UNC13B: variants seen among roughly 807,000 people sequenced by gnomAD.
UNC13B encodes protein unc-13 homolog B.
Under a neutral mutation model 211.0 loss-of-function variants are expected in UNC13B, and 144 were observed. That is an observed-to-expected ratio of 0.68 (90% CI 0.60 to 0.78). The LOEUF is 0.78. Ranked by LOEUF, UNC13B falls within the 30% of genes least tolerant of loss-of-function variation. The pLI is 0.00. For synonymous variants in UNC13B, 709 were observed against 725.8 expected, an observed-to-expected ratio of 0.98 and a Z score of 0.37; for missense variants, 1,777 against 2,002.0, an observed-to-expected ratio of 0.89 and a Z score of 2.14.
intron 11 of UNC13B, among the ~76,000 whole-genome samples, chr9:35,322,594 A>G (rs1172300826): frequency 6.6e-6 from 1 of 152,154 alleles, no homozygotes; most frequent in Non-Finnish European, 1.5e-5. Context: ...GATCATTAAG[A>G]CAGAGAACGA....
chr9:35,235,242 A>G (rs956773968), intron 3 of UNC13B, among the ~76,000 whole-genome samples: 6 of 152,070 alleles, frequency 3.9e-5, no homozygotes. Context: ...AAATCATTGT[A>G]TTTATCATTA....
rs1030803318 is a variant in UNC13B, at chr9:35,319,388, G to A, written c.9414+5399G>A. On this transcript the variant is annotated intron_variant, in intron 11 of 39. Transcript: ENST00000635942. ...ACTGCACTCCAACCTAGGTGACAGA[G>A]TGAGACCCTATCTCAAAAAAAAAAA... 2.7e-5 allele frequency among the ~76,000 whole-genome samples: 3 copies of A among 110,692 alleles called. No individual in the cohort carries two copies. The East Asian group carries it at 9.7e-4, about 36-fold the overall frequency. The allele number at this position is 110,692 out of a possible 152,430, so 72.6% of individuals were successfully genotyped here.
intron 11 of UNC13B, among the ~76,000 whole-genome samples, chr9:35,337,799 C>T (rs1831747520): frequency 6.6e-6 from 1 of 152,200 alleles, no homozygotes; most frequent in African/African-American, 2.4e-5. Context: ...GAGAATTCTC[C>T]AGATTTGGGT....
intron 1 of UNC13B, 101 bp downstream of exon 1, chr9:35,162,406 C>T: frequency 7.2e-7 from 1 of 1,384,696 alleles, no homozygotes; most frequent in Non-Finnish European, 9.5e-7. Flanking sequence ...ACTTTACATC[C>T]CGTCCGTGCT....
rs1247247130 is a variant in UNC13B at position 35,300,593 on chromosome 9, A to G, written c.1189A>G (p.Thr397Ala). Residue 397 changes from threonine to alanine, a missense_variant, in exon 9 of 40, where the codon ACA (threonine) becomes GCA (alanine). Thr to Ala is a moderately conservative substitution (Grantham distance 58). Transcript: ENST00000635942. ...TAAGCAGGAAAATTTACAGTCACCA[A>G]CATGGCATTCATCCAATGTCCACCA... ...SDKQENLQSPTWHSSNVHHIG... is the reference protein window; with the variant it reads ...SDKQENLQSPAWHSSNVHHIG... 1 of 398,896 alleles carries G rather than the reference A, an allele frequency of 2.5e-6. No individual in the cohort carries two copies. Among genetic ancestry groups the G allele is most frequent in the Non-Finnish European group, 4.4e-6 (1 of 226,034 alleles). The allele number at this position is 398,896 out of a possible 1,614,324, so 24.7% of individuals were successfully genotyped here.
chr9:35,372,350 A>G (rs1273303970), intron 13 of UNC13B, among the ~76,000 whole-genome samples: 2 of 152,240 alleles, frequency 1.3e-5, no homozygotes, highest in African/African-American at 4.8e-5. Flanking sequence ...GCTTAGGCTG[A>G]TATTATGACT....
At chr9:35,269,484 TGTAA>T (rs1313495864) in intron 7 of UNC13B, among the ~76,000 whole-genome samples, 8 of 152,194 alleles carry the variant, frequency 5.3e-5, no homozygotes, top group Non-Finnish European at 1.0e-4. Context: ...CACATCATTA[TGTAA>T]GTATGATTGG....
chr9:35,390,472 C>G (rs1835462960), intron 25 of UNC13B, among the ~76,000 whole-genome samples, 157 bp from the exon 26 acceptor site: 1 of 152,264 alleles, frequency 6.6e-6, no homozygotes, highest in African/African-American at 2.4e-5. Context: ...GGCCCCTGGC[C>G]CCTGGGCCCC....
intron 1 of UNC13B, among the ~76,000 whole-genome samples, chr9:35,221,148 G>A (rs1490129516): frequency 2.6e-5 from 4 of 152,166 alleles, no homozygotes; most frequent in South Asian, 4.2e-4. Context: ...AGCTCACTGC[G>A]AACTCTGCCT....
intron 1 of UNC13B, among the ~76,000 whole-genome samples, chr9:35,186,191 C>T (rs1474780419): frequency 6.6e-6 from 1 of 151,944 alleles, no homozygotes; most frequent in Non-Finnish European, 1.5e-5. Context: ...GTAGACCCTA[C>T]TAGATCTGAC....
At chr9:35,397,533 C>T in intron 29 of UNC13B, 102 bp from the exon 30 acceptor site, 1 of 1,380,610 alleles carries the variant, frequency 7.2e-7, no homozygotes, top group Non-Finnish European at 1.0e-6. Flanking sequence ...CCTTTACCTC[C>T]CTGTTGTTAT....
chr9:35,392,570 C>T (rs1188057555), intron 26 of UNC13B, among the ~76,000 whole-genome samples: 4 of 147,082 alleles, frequency 2.7e-5, no homozygotes, highest in Non-Finnish European at 5.9e-5. Context: ...CATATTCTCA[C>T]TCATAGGTGG....
chr9:35,194,129 G>A (rs1053864354), intron 1 of UNC13B, among the ~76,000 whole-genome samples: 4 of 152,048 alleles, frequency 2.6e-5, no homozygotes, highest in African/African-American at 7.2e-5. Context: ...CAGACCAAGG[G>A]CAGAGAGTGA....
chr9:35,313,613 A>G (rs1830293031), intron 10 of UNC13B, among the ~76,000 whole-genome samples: 1 of 146,904 alleles, frequency 6.8e-6, no homozygotes, highest in African/African-American at 2.5e-5. Context: ...CAACAGGGTG[A>G]GACCCTGTCT....
chr9:35,242,427 C>T (rs1462625446), intron 5 of UNC13B, among the ~76,000 whole-genome samples: 1 of 152,142 alleles, frequency 6.6e-6, no homozygotes, highest in South Asian at 2.1e-4. Context: ...AACTCTGTCT[C>T]CATCAAACAA....
At position 35,302,871 on chromosome 9, in the gene UNC13B, C is replaced by G; in HGVS notation, c.3467C>G (p.Ser1156Cys). ...CTTTCTGGCCTGTTTAATAGGTTTT[C>G]TTCTGCTGAAAATTTGTCTAGTCAA... ...SFLSGLFNRF[S>C]SAENLSSQEL... is the part of the protein sequence containing the mutation. The change falls in exon 9 of 40, where the codon TCT becomes TGT. Residue 1156 changes from serine to cysteine, a missense_variant. By Grantham distance (112) the Ser-to-Cys change is moderately radical. Coordinates refer to ENST00000635942, the MANE Select transcript of UNC13B (RefSeq NM_001371189.2). 2.5e-6 allele frequency: 1 copy of G among 398,622 alleles called. No homozygotes were observed. Among genetic ancestry groups the G allele is most frequent in the Non-Finnish European group, 4.4e-6 (1 of 225,750 alleles). The allele number at this position is 398,622 out of a possible 1,614,324, so 24.7% of individuals were successfully genotyped here. A position where few individuals can be genotyped will look rare whatever the true frequency, so the allele number is the denominator to read the frequency against.
At position 35,403,485 on chromosome 9, in the gene UNC13B, G is replaced by A. The variant is rs1006810860; in HGVS notation, c.12623G>A (p.Arg4208Gln). 5.0e-6 allele frequency: 8 copies of A among 1,613,958 alleles called. No individual in the cohort carries two copies. Among genetic ancestry groups the A allele is most frequent in the Middle Eastern group, 1.7e-4 (1 of 6,022 alleles). ...AAGTGGCAGACAGCGGGTATGTTCC[G>A]GCCTTTCGTGGAGGTGACTATGGTT... ...DLKWQTAGMF[R>Q]PFVEVTMVGP... is the part of the protein sequence containing the mutation. Residue 4208 changes from arginine to glutamine, a missense_variant, in exon 39 of 40, where the codon CGG becomes CAG. Coordinates refer to ENST00000635942, the MANE Select transcript of UNC13B (RefSeq NM_001371189.2).
At chr9:35,360,743 C>G (rs1351173948) in intron 11 of UNC13B, 3 of 152,230 alleles carry the variant, frequency 2.0e-5, no homozygotes, top group African/African-American at 4.8e-5. Flanking sequence ...CCTTGATCTC[C>G]TGGTCTCAAT....
At chr9:35,383,479 T>C (rs1834990949) in intron 21 of UNC13B, among the ~76,000 whole-genome samples, 1 of 152,184 alleles carries the variant, frequency 6.6e-6, no homozygotes, top group African/African-American at 2.4e-5. Context: ...GATAGAGCCT[T>C]TCTGTAGATG....
Sources: allele counts gnomAD v4.1 joint callset (sites outside exome capture counted in the v4.1 genomes callset), GRCh38; gene constraint gnomAD v4.1.1; transcripts MANE v1.5; gene names NCBI Gene and HGNC (gene_info 2026-07-23, HGNC 2026-07-21).